The following ELP1 variants were observed in gnomAD, a reference collection of about 807,000 sequenced individuals.
The protein encoded by ELP1 is elongator complex protein 1.
In ELP1, 131 loss-of-function variants were observed where a neutral mutation model predicts 183.2. The ratio of observed to expected loss-of-function variants is 0.72; its 90% CI spans 0.62 to 0.83. ELP1 has a LOEUF of 0.83. Ranked by LOEUF, ELP1 falls within the 40% of genes least tolerant of loss-of-function variation. The pLI, the probability that ELP1 is intolerant of heterozygous loss-of-function variation, is 0.00. For missense variants in ELP1, 1,550 were observed against 1,594.9 expected (o/e 0.97, Z 0.48); for synonymous variants, 555 against 569.0 (o/e 0.98, Z 0.35).
Position 108,933,950 on chromosome 9 carries a change from AC to A in ELP1, c.-143del, listed in dbSNP as rs1189110888. On this transcript the variant is annotated 5_prime_UTR_variant, in exon 1 of 37. Transcript: ENST00000374647. Reference sequence around the variant, plus strand: ...CCCAGAGTCAGCTCCCACAGTCCGCACCCAGAGTCGGCTCCGAATTGCGCAC... The same window carrying A: ...CCCAGAGTCAGCTCCCACAGTCCGCACCAGAGTCGGCTCCGAATTGCGCAC... 1 of 158,678 alleles carries A rather than the reference AC, an allele frequency of 6.3e-6. No homozygotes were observed. Among genetic ancestry groups the A allele is most frequent in the Non-Finnish European group, 1.4e-5 (1 of 72,270 alleles). 9.8% of individuals were successfully genotyped at this position (158,678 alleles called of 1,614,324 possible). A position where few individuals can be genotyped will look rare whatever the true frequency, so the allele number is the denominator to read the frequency against.
intron 11 of ELP1, 98 bp from the exon 12 acceptor site, chr9:108,911,278 T>A: frequency 8.7e-7 from 1 of 1,152,336 alleles, no homozygotes; most frequent in Admixed American, 2.0e-5. Context: ...ATAATGGCAA[T>A]TCACAAAAAA....
At chr9:108,875,516 A>G (rs2118927067) in intron 35 of ELP1, 3 of 263,964 alleles carry the variant, frequency 1.1e-5, no homozygotes, top group East Asian at 1.1e-4. Flanking sequence ...CTCAAGAGCA[A>G]TGCCATGAGA....
chr9:108,875,740 GA>G, intron 35 of ELP1: 1 of 427,442 alleles, frequency 2.3e-6, no homozygotes, highest in Non-Finnish European at 4.6e-6. Context: ...CCATGTCTAG[GA>G]AAAAATTTTA....
chr9:108,889,585 C>A (rs1247739004), intron 28 of ELP1, 192 bp from the exon 29 acceptor site: 2 of 636,208 alleles, frequency 3.1e-6, no homozygotes, highest in South Asian at 1.8e-5. Flanking sequence ...AATTGAAAAT[C>A]ATATACAGCC....
chr9:108,899,792 A>C, intron 20 of ELP1, 30 bp downstream of exon 20: 1 of 1,560,478 alleles, frequency 6.4e-7, no homozygotes, highest in South Asian at 1.1e-5. Flanking sequence ...TCACAAGCTA[A>C]CTAGTCGCAA....
Position 108,901,480 on chromosome 9 carries a change from C to T in ELP1, c.1959G>A (p.Leu653=). 1 of 1,614,062 alleles carries T rather than the reference C, an allele frequency of 6.2e-7. No homozygotes were observed. Residue 653 remains leucine (L), a synonymous_variant, in exon 18 of 37, where the codon TTG becomes TTA. Coordinates refer to ENST00000374647, the MANE Select transcript of ELP1 (RefSeq NM_003640.5). ...SFAVYDEFLL[L]TTHSHTCQCF... is the part of the protein sequence containing the mutation. ...ACTGGCAGGTATGGGAATGGGTTGT[C>T]AACAATAAAAACTCATCATATACTG...
chr9:108,923,571 G>A lies in ELP1; in HGVS notation c.467-644C>T, dbSNP rs146914613. Among the ~76,000 whole-genome samples, 392 of 152,184 alleles carry A rather than the reference G, an allele frequency of 2.6e-3. 3 individuals are homozygous for A. Among genetic ancestry groups the A allele is most frequent in the African/African-American group, 8.7e-3 (361 of 41,522 alleles). ...CATAAAGAGTTTACAAAATATGTCC[G>A]GAACATAAAACCCCAAGATGAGAAC... On this transcript the variant is annotated intron_variant, in intron 5 of 36. Transcript: ENST00000374647.
chr9:108,889,970 C>T (rs561679705), intron 28 of ELP1, among the ~76,000 whole-genome samples: 2 of 152,234 alleles, frequency 1.3e-5, no homozygotes, highest in Non-Finnish European at 2.9e-5. Flanking sequence ...TAAATGTACA[C>T]ACAGAGTGAC....
intron 28 of ELP1, among the ~76,000 whole-genome samples, chr9:108,890,336 AAAG>A (rs61666019): frequency 0.13 from 19,297 of 152,156 alleles, 2,276 homozygotes; most frequent in African/African-American, 0.31. Flanking sequence ...CCCAAGAAAA[AAAG>A]AATACTGCAA....
chr9:108,869,256 C>G, intron 36 of ELP1, 74 bp from the exon 37 acceptor site: 1 of 1,216,176 alleles, frequency 8.2e-7, no homozygotes, highest in South Asian at 1.2e-5. Flanking sequence ...TAACTCTAAA[C>G]TAAACAAACT....
chr9:108,901,900 T>C (rs1365159096), intron 16 of ELP1, among the ~76,000 whole-genome samples: 1 of 152,044 alleles, frequency 6.6e-6, no homozygotes, highest in East Asian at 1.9e-4. Context: ...CCTACACATA[T>C]CTCAAACCCA....
At chr9:108,913,137 G>C (rs1037435549) in intron 10 of ELP1, among the ~76,000 whole-genome samples, 2 of 152,066 alleles carry the variant, frequency 1.3e-5, no homozygotes, top group African/African-American at 4.8e-5. Context: ...TTCTTTTAGT[G>C]GGTTTTCTCA....
intron 19 of ELP1, 60 bp from the exon 20 acceptor site, chr9:108,899,955 A>T (rs909075065): frequency 1.5e-6 from 2 of 1,348,094 alleles, no homozygotes; most frequent in Non-Finnish European, 2.1e-6. Context: ...AATAGCCAGG[A>T]TACACCATTT....
At chr9:108,905,777 A>C (rs115564252) in intron 14 of ELP1, among the ~76,000 whole-genome samples, 4,870 of 152,142 alleles carry the variant, frequency 0.032, 273 homozygotes, top group African/African-American at 0.11. Flanking sequence ...CCAGGCTACA[A>C]ACCTGGACAG....
chr9:108,903,116 T>A (rs1587898808), intron 15 of ELP1, among the ~76,000 whole-genome samples, 174 bp from the exon 16 acceptor site: 3 of 152,320 alleles, frequency 2.0e-5, no homozygotes, highest in East Asian at 3.9e-4. Flanking sequence ...CTAGGGTACA[T>A]GTGCACAATG....
chr9:108,921,624 A>C (rs945921251), intron 6 of ELP1, among the ~76,000 whole-genome samples: 14 of 152,026 alleles, frequency 9.2e-5, no homozygotes, highest in African/African-American at 3.1e-4. Context: ...GGGGGACATG[A>C]AAACCACTTG....
rs372151936 is a variant in ELP1, at chr9:108,901,466, T to C, written c.1973A>G (p.His658Arg). Residue 658 changes from histidine to arginine, a missense_variant, in exon 18 of 37, where the codon CAT (histidine) becomes CGT (arginine). Transcript: ENST00000374647. ...CCTCAGGCAAAAACACTGGCAGGTA[T>C]GGGAATGGGTTGTCAACAATAAAAA... ...DEFLLLTTHS[H>R]TCQCFCLRDA... 24 of 1,613,910 alleles carry C rather than the reference T, an allele frequency of 1.5e-5. No individual in the cohort carries two copies. Among genetic ancestry groups the C allele is most frequent in the Non-Finnish European group, 1.9e-5 (23 of 1,179,898 alleles).
In ELP1 at chr9:108,892,970, T is replaced by C; in HGVS notation, c.2958+16A>G. ...AAAGCAAAACCAGGAGAGCCTCATT[T>C]TCACATACCACATACCTGGTACTGT... On this transcript the variant is annotated intron_variant, in intron 27 of 36. Transcript: ENST00000374647. 1.3e-6 allele frequency: 2 copies of C among 1,593,106 alleles called. No individual in the cohort carries two copies. The highest frequency in any genetic ancestry group is 1.1e-5 in the South Asian group (1 of 90,674).
chr9:108,894,057 C>A lies in ELP1; in HGVS notation c.2746G>T (p.Glu916Ter), dbSNP rs777619468. ...AGTGTATTAAGAAATGGAAGATATT[C>A]TTTGGGATCCTAAAAAAATGATTAA... ...VAEKSQKDPK[E>*]YLPFLNTLKK... The change falls in exon 26 of 37, where the codon GAA (glutamate) becomes TAA (stop). Residue 916 changes from glutamate to a stop codon, truncating the protein, a stop_gained. Coordinates refer to ENST00000374647, the MANE Select transcript of ELP1 (RefSeq NM_003640.5). LOFTEE classifies it high-confidence loss of function. 1 of 1,485,398 alleles carries A rather than the reference C, an allele frequency of 6.7e-7. No homozygotes were observed. 92.0% of individuals were successfully genotyped at this position (1,485,398 alleles called of 1,614,324 possible).
Sources: allele counts gnomAD v4.1 joint callset (sites outside exome capture counted in the v4.1 genomes callset), GRCh38; gene constraint gnomAD v4.1.1; transcripts MANE v1.5; gene names NCBI Gene and HGNC (gene_info 2026-07-23, HGNC 2026-07-21).